The following BICC1 variants were observed in gnomAD, a reference collection of about 807,000 sequenced individuals.
BICC1 encodes the protein protein bicaudal C homolog 1.
Under a neutral mutation model 111.0 loss-of-function variants are expected in BICC1, and 43 were observed. That is an observed-to-expected ratio of 0.39 (90% CI 0.30 to 0.50). The LOEUF (loss-of-function observed/expected upper bound fraction) is 0.50, where lower values mean the gene tolerates loss of function less well. BICC1 is among the 20% of genes least tolerant of loss of function. The pLI is 0.88. For synonymous variants in BICC1, 467 were observed against 434.4 expected, an observed-to-expected ratio of 1.07 and a Z score of -0.93; for missense variants, 1,091 against 1,203.2, an observed-to-expected ratio of 0.91 and a Z score of 1.38.
At chr10:58,620,823 AG>A (rs768019343) in intron 1 of BICC1, 31 bp from the exon 2 acceptor site, 1 of 1,598,946 alleles carries the variant, frequency 6.3e-7, no homozygotes, top group South Asian at 1.1e-5. Context: ...ACATTGAAAA[AG>A]TATTTTAAAT....
At chr10:58,563,440 C>T (rs1180704492) in intron 1 of BICC1, among the ~76,000 whole-genome samples, 2 of 152,134 alleles carry the variant, frequency 1.3e-5, no homozygotes, top group African/African-American at 4.8e-5. Flanking sequence ...TACCTCTTAC[C>T]TTTTCTCCAC....
chr10:58,591,296 A>G (rs1265917003), intron 1 of BICC1, among the ~76,000 whole-genome samples: 1 of 152,164 alleles, frequency 6.6e-6, no homozygotes, highest in Non-Finnish European at 1.5e-5. Flanking sequence ...GATTCATGTT[A>G]CCTGTCATTA....
chr10:58,621,575 G>A (rs927484507), intron 2 of BICC1, among the ~76,000 whole-genome samples: 7 of 152,088 alleles, frequency 4.6e-5, no homozygotes, highest in African/African-American at 7.2e-5. Context: ...CACTTTGAGA[G>A]GCCGAGGCTA....
chr10:58,623,027 C>T (rs1845872410), intron 2 of BICC1, among the ~76,000 whole-genome samples: 2 of 152,170 alleles, frequency 1.3e-5, no homozygotes, highest in Non-Finnish European at 2.9e-5. Flanking sequence ...TAAACTTCAG[C>T]TACTCAACTT....
At chr10:58,541,500 A>T (rs1842980496) in intron 1 of BICC1, among the ~76,000 whole-genome samples, 1 of 152,138 alleles carries the variant, frequency 6.6e-6, no homozygotes, top group Non-Finnish European at 1.5e-5. Flanking sequence ...TTTACCAATG[A>T]GGCGAAACAC....
intron 3 of BICC1, among the ~76,000 whole-genome samples, chr10:58,730,540 A>G (rs1053337028): frequency 4.0e-5 from 6 of 151,786 alleles, no homozygotes; most frequent in African/African-American, 1.4e-4. Flanking sequence ...GGGAGCCCCA[A>G]CCCCACATTT....
At chr10:58,692,957 C>T (rs1018423608) in intron 2 of BICC1, among the ~76,000 whole-genome samples, 5 of 151,802 alleles carry the variant, frequency 3.3e-5, no homozygotes, top group Admixed American at 3.3e-4. Flanking sequence ...GTGTGCTGCA[C>T]CCATTAGCTC....
In BICC1 at chr10:58,799,535, T is replaced by C. The variant is rs538074710; in HGVS notation, c.1725+283T>C. On this transcript the variant is annotated intron_variant, in intron 12 of 20. Coordinates refer to ENST00000373886, the MANE Select transcript of BICC1 (RefSeq NM_001080512.3). ...GTTAATTTTTATATATGGTGAAAGG[T>C]AGGGGTCTGGTTTCATTCTTCTGTA... Among the ~76,000 whole-genome samples, 6 of 152,236 alleles carry C rather than the reference T, an allele frequency of 3.9e-5. 1 individual carries two copies. Among genetic ancestry groups the C allele is most frequent in the Admixed American group, 3.9e-4 (6 of 15,284 alleles).
chr10:58,650,806 C>T (rs1219402858), intron 2 of BICC1: 1 of 151,956 alleles, frequency 6.6e-6, no homozygotes, highest in African/African-American at 2.4e-5. Flanking sequence ...TCAGGCTCCT[C>T]GTATCCTTTT....
chr10:58,645,087 A>G (rs1005757284), intron 2 of BICC1, among the ~76,000 whole-genome samples: 17 of 152,240 alleles, frequency 1.1e-4, no homozygotes, highest in African/African-American at 3.9e-4. Flanking sequence ...CCCTAGGTCA[A>G]AGTAGGGAAG....
rs563445063 is a variant in BICC1, at chr10:58,528,132, T to G, written c.190+14799T>G. Among the ~76,000 whole-genome samples, 11 of 152,002 alleles carry G rather than the reference T, an allele frequency of 7.2e-5. No homozygotes were observed. The South Asian group carries it at 2.3e-3, about 32-fold the overall frequency. ...GGATCTGGATTAAAAAGTTTGTTCA[T>G]TTTGGGCTAGCGGACCTGGCATTGA... On this transcript the variant is annotated intron_variant, in intron 1 of 20. Transcript: ENST00000373886.
chr10:58,750,540 A>G (rs1225309227), intron 3 of BICC1, among the ~76,000 whole-genome samples: 2 of 152,124 alleles, frequency 1.3e-5, no homozygotes, highest in Non-Finnish European at 2.9e-5. Context: ...GTGCTTGCAT[A>G]TAGATCTATG....
rs146609637 is a variant in BICC1, at chr10:58,613,998, G to A, written c.191-6857G>A. Among the ~76,000 whole-genome samples, 296 of 152,138 alleles carry A rather than the reference G, an allele frequency of 1.9e-3. 1 individual carries two copies. The highest frequency in any genetic ancestry group is 0.014 in the Middle Eastern group (4 of 294). Reference sequence around the variant, plus strand: ...TTTTTTTTAAATGAGCATTTTAAATGCCTAATTTTATATTGAGAAAAATGT... The same window carrying A: ...TTTTTTTTAAATGAGCATTTTAAATACCTAATTTTATATTGAGAAAAATGT... On this transcript the variant is annotated intron_variant, in intron 1 of 20. Transcript: ENST00000373886.
chr10:58,581,216 C>A (rs917885012), intron 1 of BICC1, among the ~76,000 whole-genome samples: 1 of 151,920 alleles, frequency 6.6e-6, no homozygotes, highest in East Asian at 1.9e-4. Flanking sequence ...TATGTTGAGG[C>A]CTCTTTTTAA....
intron 2 of BICC1, among the ~76,000 whole-genome samples, chr10:58,625,442 G>A (rs1294812181): frequency 2.0e-5 from 3 of 152,122 alleles, no homozygotes; most frequent in Non-Finnish European, 4.4e-5. Context: ...AGTCAGCATT[G>A]TAATTGATGA....
intron 1 of BICC1, among the ~76,000 whole-genome samples, chr10:58,543,806 G>T (rs1843059638): frequency 7.0e-6 from 1 of 142,800 alleles, no homozygotes; most frequent in Non-Finnish European, 1.5e-5. Context: ...ACTATGCCTG[G>T]CCTATGTTTT....
Position 58,800,976 on chromosome 10 carries a change from C to G in BICC1, c.1945C>G (p.Pro649Ala). 1 of 1,612,436 alleles carries G rather than the reference C, an allele frequency of 6.2e-7. No homozygotes were observed. The highest frequency in any genetic ancestry group is 8.5e-7 in the Non-Finnish European group (1 of 1,179,202). ...TGGTGACTTGAAACAGATGATGTGT[C>G]CCTCCAAGGTTTCCTGTGCCAAAAG... The part of the protein sequence containing the change: ...NAGDLKQMMC[P>A]SKVSCAKRQT... Residue 649 changes from proline (P) to alanine (A), a missense_variant, in exon 14 of 21, where the codon CCC becomes GCC. By Grantham distance (27) the Pro-to-Ala change is conservative (BLOSUM62 -1). Coordinates refer to ENST00000373886, the MANE Select transcript of BICC1 (RefSeq NM_001080512.3).
chr10:58,719,755 G>A (rs1264906958), intron 3 of BICC1, among the ~76,000 whole-genome samples: 1 of 152,138 alleles, frequency 6.6e-6, no homozygotes, highest in East Asian at 1.9e-4. Flanking sequence ...ATGAGTTAAA[G>A]TTTACATTAT....
intron 1 of BICC1, among the ~76,000 whole-genome samples, chr10:58,548,922 C>T (rs1363390896): frequency 2.0e-5 from 3 of 151,926 alleles, no homozygotes; most frequent in Admixed American, 1.3e-4. Flanking sequence ...TGCAGTGGTG[C>T]GATCATGGCT....
Sources: allele counts gnomAD v4.1 joint callset (sites outside exome capture counted in the v4.1 genomes callset), GRCh38; gene constraint gnomAD v4.1.1; transcripts MANE v1.5; gene names NCBI Gene and HGNC (gene_info 2026-07-23, HGNC 2026-07-21).